The following EDN2 variants were observed in gnomAD, a reference collection of about 807,000 sequenced individuals.
The protein encoded by EDN2 is endothelin 2.
A neutral mutation model predicts 19.9 loss-of-function variants in EDN2; 10 were observed. The observed-to-expected ratio is 0.50, with a 90% CI of 0.31 to 0.85. The LOEUF (loss-of-function observed/expected upper bound fraction) is 0.85. Ranked by LOEUF, EDN2 falls within the 40% of genes least tolerant of loss-of-function variation. EDN2 has a pLI of 0.05. For synonymous variants in EDN2, 84 were observed against 94.9 expected (o/e 0.89, Z 0.67); for missense variants, 222 against 239.3 (o/e 0.93, Z 0.48).
In EDN2 at chr1:41,479,285, G is replaced by A; in HGVS notation, c.*124C>T. On this transcript the variant is annotated 3_prime_UTR_variant, in exon 5 of 5. Coordinates refer to ENST00000372587, the MANE Select transcript of EDN2 (RefSeq NM_001956.5). ...GAGCTTGTGCCAATCCTGGCAAATGGGTCCAGCTGTCTGGGACCAAGGCCC... is the reference window on the plus strand; with the variant it reads ...GAGCTTGTGCCAATCCTGGCAAATGAGTCCAGCTGTCTGGGACCAAGGCCC... 1.2e-6 allele frequency: 1 copy of A among 849,614 alleles called. No individual in the cohort carries two copies. Among genetic ancestry groups the A allele is most frequent in the Non-Finnish European group, 1.9e-6 (1 of 513,434 alleles). The allele number at this position is 849,614 out of a possible 1,614,324, so 52.6% of individuals were successfully genotyped here.
rs1569577566 is a variant in EDN2 at position 41,479,154 on chromosome 1, T to C, written c.*255A>G. ...CCATGCAGTTCTTCCAGCAGAGCTG[T>C]GGGCCAGCAGCCAGCACTGGAGGCT... On this transcript the variant is annotated 3_prime_UTR_variant, in exon 5 of 5. Coordinates refer to ENST00000372587, the MANE Select transcript of EDN2 (RefSeq NM_001956.5). 1.2e-5 allele frequency: 7 copies of C among 595,118 alleles called. No homozygotes were observed. The South Asian group carries it at 1.2e-4, about 10-fold the overall frequency. The allele number at this position is 595,118 out of a possible 1,614,324, so 36.9% of individuals were successfully genotyped here.
chr1:41,481,160 G>A lies in EDN2; in HGVS notation c.378C>T (p.Ser126=), dbSNP rs993269760. 1 of 1,613,958 alleles carries A rather than the reference G, an allele frequency of 6.2e-7. No individual in the cohort carries two copies. Among genetic ancestry groups the A allele is most frequent in the African/African-American group, 1.3e-5 (1 of 74,944 alleles). The change falls in exon 4 of 5, where the codon TCC becomes TCT. Residue 126 remains serine, a synonymous_variant. Coordinates refer to ENST00000372587, the MANE Select transcript of EDN2 (RefSeq NM_001956.5). ...TGCCAGTCTGGAACACGTCTGCAGG[G>A]GACTTCCGGCTTGGGACTGCCCCGG... is the stretch of plus-strand genomic sequence containing the variant. ...TEAGAVPSRK[S]PADVFQTGKT...
chr1:41,480,471 C>T (rs1644238045), intron 4 of EDN2, among the ~76,000 whole-genome samples: 1 of 152,226 alleles, frequency 6.6e-6, no homozygotes, highest in Non-Finnish European at 1.5e-5. Flanking sequence ...GGCACAATTT[C>T]CCTGTTTCTC....
intron 2 of EDN2, 152 bp downstream of exon 2, chr1:41,483,895 T>G: frequency 1.2e-6 from 1 of 805,542 alleles, no homozygotes; most frequent in Non-Finnish European, 1.9e-6. Flanking sequence ...CACTCAGGAA[T>G]TGAAACAATT....
At chr1:41,484,302 G>A in intron 1 of EDN2, 99 bp from the exon 2 acceptor site, 4 of 1,449,084 alleles carry the variant, frequency 2.8e-6, no homozygotes, top group African/African-American at 1.4e-5. Context: ...TTGCATAATC[G>A]AGGGAGTTGG....
intron 4 of EDN2, chr1:41,480,572 T>C: frequency 2.7e-6 from 1 of 376,398 alleles, no homozygotes; most frequent in Non-Finnish European, 5.3e-6. Flanking sequence ...GGGGTTCAGA[T>C]CAAGCAGTCT....
chr1:41,483,834 C>T, intron 2 of EDN2: 1 of 523,516 alleles, frequency 1.9e-6, no homozygotes, highest in Non-Finnish European at 3.3e-6. Context: ...GCTTACCAGG[C>T]TGTCTTAAGA....
intron 3 of EDN2, among the ~76,000 whole-genome samples, chr1:41,481,515 A>T (rs1644247393): frequency 6.7e-6 from 1 of 150,138 alleles, no homozygotes. Flanking sequence ...AGTTTCTCGT[A>T]AACCATCATG....
intron 3 of EDN2, 63 bp downstream of exon 3, chr1:41,482,403 C>T: frequency 6.7e-7 from 1 of 1,486,558 alleles, no homozygotes; most frequent in Non-Finnish European, 8.9e-7. Context: ...CAGACACCTG[C>T]TCCCCAGGGC....
rs748090585 is a variant in EDN2, at chr1:41,484,065, A to T, written c.203T>A (p.Ile68Asn). The change falls in exon 2 of 5, where the codon ATC (isoleucine) becomes AAC (asparagine). Residue 68 changes from isoleucine (I) to asparagine (N), a missense_variant. Physicochemically the swap from Ile to Asn is moderately radical, Grantham distance 149 (BLOSUM62 -3). Coordinates refer to ENST00000372587, the MANE Select transcript of EDN2 (RefSeq NM_001956.5). Reference sequence around the variant, plus strand: ...TGCTCACTCAGGAGTGTTCACCCAGATGATGTCCAAGTGGCAGAAGTAGAC... The same window carrying T: ...TGCTCACTCAGGAGTGTTCACCCAGTTGATGTCCAAGTGGCAGAAGTAGAC... ...ECVYFCHLDI[I>N]WVNTPEQTAP... is the part of the protein sequence containing the mutation. 2.7e-5 allele frequency: 43 copies of T among 1,610,144 alleles called. No homozygotes were observed. The Admixed American group carries it at 6.9e-4, about 26-fold the overall frequency.
intron 4 of EDN2, among the ~76,000 whole-genome samples, chr1:41,480,539 CA>C (rs1400625619): frequency 6.6e-6 from 1 of 152,272 alleles, no homozygotes; most frequent in African/African-American, 2.4e-5. Flanking sequence ...CCCAAGGTCA[CA>C]AAGCTTGTAC....
chr1:41,479,322 G>C lies in EDN2; in HGVS notation c.*87C>G. On this transcript the variant is annotated 3_prime_UTR_variant, in exon 5 of 5. Coordinates refer to ENST00000372587, the MANE Select transcript of EDN2 (RefSeq NM_001956.5). ...TGGGACCAAGGCCCCGGTCCAGGAA[G>C]CAGGCAGAGAGTCCACAAGCCCTGG... 1 of 1,155,056 alleles carries C rather than the reference G, an allele frequency of 8.7e-7. No homozygotes were observed. Among genetic ancestry groups the C allele is most frequent in the Non-Finnish European group, 1.3e-6 (1 of 776,126 alleles). 71.6% of individuals were successfully genotyped at this position (1,155,056 alleles called of 1,614,324 possible). A position where few individuals can be genotyped will look rare whatever the true frequency, so the allele number is the denominator to read the frequency against.
chr1:41,480,417 C>T (rs1379622618), intron 4 of EDN2, among the ~76,000 whole-genome samples: 2 of 152,204 alleles, frequency 1.3e-5, no homozygotes, highest in African/African-American at 2.4e-5. Flanking sequence ...ACTTCATGTG[C>T]GTCCACTCAT....
At chr1:41,480,120 T>C (rs974980989) in intron 4 of EDN2, among the ~76,000 whole-genome samples, 4 of 152,342 alleles carry the variant, frequency 2.6e-5, no homozygotes, top group Middle Eastern at 3.4e-3. Context: ...CTGCTGAGAA[T>C]GAGTACAAGG....
rs1644272510 is a variant in EDN2, at chr1:41,484,202, C to T, written c.66G>A (p.Gly22=). The T allele has an allele frequency of 6.2e-7, 1 of 1,611,610 alleles. No homozygotes were observed. The highest frequency in any genetic ancestry group is 1.3e-5 in the African/African-American group (1 of 75,014). The change falls in exon 2 of 5, where the codon GGG becomes GGA. Residue 22 remains glycine (G), a splice_region_variant and synonymous_variant. Coordinates refer to ENST00000372587, the MANE Select transcript of EDN2 (RefSeq NM_001956.5). ...CCAGGGTGGCAGCAGCCTGGCCCTT[C>T]CCTGCATGCACAGGAGGGAGAGAGA... ...ALALLVALHE[G]KGQAAATLEQ...
intron 3 of EDN2, 31 bp downstream of exon 3, chr1:41,482,435 C>T: frequency 1.9e-6 from 3 of 1,585,032 alleles, no homozygotes; most frequent in South Asian, 1.1e-5. Flanking sequence ...TGCAGCTACC[C>T]TATGCCCCTG....
chr1:41,482,421 G>A (rs1644255417), intron 3 of EDN2, 45 bp downstream of exon 3: 1 of 1,542,132 alleles, frequency 6.5e-7, no homozygotes, highest in Non-Finnish European at 8.7e-7. Context: ...GGCATGCCCG[G>A]GCTTGCAGCT....
At chr1:41,484,467 C>CAGCCCTA (rs1405219652) in intron 1 of EDN2, 71 bp downstream of exon 1, 6 of 1,527,680 alleles carry the variant, frequency 3.9e-6, no homozygotes, top group Non-Finnish European at 5.3e-6. Flanking sequence ...GGAGGCACTG[C>CAGCCCTA]AGCCCTAGAG....
chr1:41,482,212 C>G (rs1644253447), intron 3 of EDN2, among the ~76,000 whole-genome samples: 1 of 152,236 alleles, frequency 6.6e-6, no homozygotes, highest in Non-Finnish European at 1.5e-5. Context: ...CTGGCAGACT[C>G]TCTCCTGCCC....
Sources: gnomAD v4.1 joint callset for allele counts (sites outside exome capture counted in the v4.1 genomes callset) on GRCh38, gnomAD v4.1.1 for gene constraint, MANE v1.5 for transcripts, NCBI Gene and HGNC (gene_info 2026-07-23, HGNC 2026-07-21) for gene names.